FLT1: variants seen among roughly 807,000 people sequenced by gnomAD.
FLT1 encodes the protein vascular endothelial growth factor receptor 1.
Under a neutral mutation model 156.3 loss-of-function variants are expected in FLT1, and 49 were observed. The ratio of observed to expected loss-of-function variants is 0.31; its 90% confidence interval spans 0.25 to 0.40. FLT1 has a LOEUF of 0.40. Among genes scored for constraint, FLT1 ranks in the 10% least tolerant of loss-of-function variants. The pLI, the probability that FLT1 is intolerant of heterozygous loss-of-function variation, is 1.00. For missense variants in FLT1, 1,322 were observed against 1,637.2 expected (o/e 0.81, Z 3.32); for synonymous variants, 594 against 583.8 (o/e 1.02, Z -0.25).
At chr13:28,381,319 G>A (rs1169529223) in intron 14 of FLT1, among the ~76,000 whole-genome samples, 1 of 152,176 alleles carries the variant, frequency 6.6e-6, no homozygotes, top group Non-Finnish European at 1.5e-5. Context: ...CAATTTGGGA[G>A]GTCAAGGTGG....
chr13:28,485,843 A>G (rs1261495297), intron 1 of FLT1, among the ~76,000 whole-genome samples: 3 of 152,218 alleles, frequency 2.0e-5, no homozygotes, highest in Admixed American at 2.0e-4. Flanking sequence ...GAATGAGGAA[A>G]GATCTCATGA....
intron 14 of FLT1, among the ~76,000 whole-genome samples, chr13:28,360,434 C>A (rs1873070376): frequency 6.6e-6 from 1 of 152,210 alleles, no homozygotes; most frequent in Middle Eastern, 3.4e-3. Context: ...ATGGAGGCAA[C>A]CTATGTGTCC....
At chr13:28,333,368 C>A (rs1346030507) in intron 18 of FLT1, among the ~76,000 whole-genome samples, 1 of 152,016 alleles carries the variant, frequency 6.6e-6, no homozygotes, top group Non-Finnish European at 1.5e-5. Flanking sequence ...ACCTGTGAGT[C>A]TTTGAGACAT....
chr13:28,381,242 G>A (rs1874067761), intron 14 of FLT1, among the ~76,000 whole-genome samples: 1 of 152,126 alleles, frequency 6.6e-6, no homozygotes, highest in Non-Finnish European at 1.5e-5. Context: ...TTGTGATCAA[G>A]TAAGTTTGAG....
rs190856837 is a variant in FLT1 at position 28,441,025 on chromosome 13, G to A, written c.389-2680C>T. Among the ~76,000 whole-genome samples the A allele has an allele frequency of 5.1e-3, 782 of 152,210 alleles. 2 individuals are homozygous for A. Among genetic ancestry groups the A allele is most frequent in the Non-Finnish European group, 8.0e-3 (542 of 68,010 alleles). ...TTAGTCACAGCTGGCACCAGAGACC[G>A]TCTCCCAACAGATAGGAAACACCTG... On this transcript the variant is annotated intron_variant, in intron 3 of 29. Transcript: ENST00000282397.
chr13:28,320,380 G>C (rs1205475223), intron 23 of FLT1, among the ~76,000 whole-genome samples: 3 of 152,112 alleles, frequency 2.0e-5, no homozygotes, highest in Non-Finnish European at 2.9e-5. Context: ...AGATTCTGGT[G>C]CAGTGGCTCT....
intron 13 of FLT1, chr13:28,388,586 A>G (rs1356888932): frequency 1.9e-5 from 20 of 1,053,604 alleles, no homozygotes; most frequent in Admixed American, 1.6e-4. Flanking sequence ...AGAGATTACA[A>G]CTTCTCTTGA....
chr13:28,379,684 C>T (rs766689299), intron 14 of FLT1, among the ~76,000 whole-genome samples: 23 of 152,176 alleles, frequency 1.5e-4, no homozygotes, highest in Non-Finnish European at 2.9e-4. Context: ...TCTTGCAATC[C>T]GTTCACATGC....
chr13:28,422,697 G>A (rs1025323312), intron 10 of FLT1, among the ~76,000 whole-genome samples: 6 of 152,306 alleles, frequency 3.9e-5, no homozygotes, highest in Admixed American at 2.6e-4. Context: ...GGGAACAGAT[G>A]AGCGCAAAGA....
intron 17 of FLT1, among the ~76,000 whole-genome samples, chr13:28,337,157 T>C (rs1872149007): frequency 6.6e-6 from 1 of 152,106 alleles, no homozygotes; most frequent in South Asian, 2.1e-4. Flanking sequence ...ATCTTTTTTT[T>C]TTTTTTAAGA....
At chr13:28,468,996 A>T (rs138270451) in intron 1 of FLT1, among the ~76,000 whole-genome samples, 83 of 152,252 alleles carry the variant, frequency 5.5e-4, no homozygotes, top group Middle Eastern at 3.4e-3. Context: ...ATCACTAAGG[A>T]TCTCTCTCGC....
At chr13:28,349,571 G>A (rs1187585720) in intron 15 of FLT1, among the ~76,000 whole-genome samples, 1 of 152,180 alleles carries the variant, frequency 6.6e-6, no homozygotes, top group Non-Finnish European at 1.5e-5. Context: ...GCCTTTGGCT[G>A]TCGGAGATGC....
chr13:28,438,074 T>A, intron 4 of FLT1, 147 bp downstream of exon 4: 1 of 740,982 alleles, frequency 1.3e-6, no homozygotes, highest in Non-Finnish European at 2.4e-6. Context: ...CTAGCACTAT[T>A]CCTTATAGTA....
intron 10 of FLT1, among the ~76,000 whole-genome samples, chr13:28,412,346 CTTTCTCTT>C (rs1331006877): frequency 3.6e-4 from 21 of 58,414 alleles, no homozygotes; most frequent in African/African-American, 9.8e-4. Context: ...TTCTTTCTTT[CTTTCTCTT>C]TCTTTCTTTC....
intron 13 of FLT1, chr13:28,388,060 C>T: frequency 9.4e-7 from 1 of 1,058,288 alleles, no homozygotes; most frequent in Non-Finnish European, 1.1e-6. Flanking sequence ...ACTATTAAGG[C>T]CCCCATGTTC....
At chr13:28,369,299 C>T (rs895223321) in intron 14 of FLT1, among the ~76,000 whole-genome samples, 2 of 152,000 alleles carry the variant, frequency 1.3e-5, no homozygotes, top group African/African-American at 2.4e-5. Context: ...CCAAGGGGGT[C>T]GGATCACCTG....
intron 1 of FLT1, among the ~76,000 whole-genome samples, chr13:28,474,778 C>G (rs1037897181): frequency 2.0e-5 from 3 of 152,048 alleles, no homozygotes; most frequent in Non-Finnish European, 4.4e-5. Flanking sequence ...GACCAAAAAC[C>G]ACTGAATTAT....
At chr13:28,391,413 T>C (rs1207668307) in intron 12 of FLT1, among the ~76,000 whole-genome samples, 1 of 152,182 alleles carries the variant, frequency 6.6e-6, no homozygotes, top group Non-Finnish European at 1.5e-5. Flanking sequence ...ATTGCCTCCT[T>C]TGGAAAGGCT....
At chr13:28,363,262 G>A (rs1593709866) in intron 14 of FLT1, among the ~76,000 whole-genome samples, 1 of 152,128 alleles carries the variant, frequency 6.6e-6, no homozygotes, top group African/African-American at 2.4e-5. Flanking sequence ...AAATGTTAAA[G>A]TGCAGAAAAA....
Sources: allele counts gnomAD v4.1 joint callset (sites outside exome capture counted in the v4.1 genomes callset), GRCh38; gene constraint gnomAD v4.1.1; transcripts MANE v1.5; gene names NCBI Gene and HGNC (gene_info 2026-07-23, HGNC 2026-07-21).